PHLDB1: variants seen among roughly 807,000 people sequenced by gnomAD.
The protein encoded by PHLDB1 is pleckstrin homology like domain family B member 1.
Under a neutral mutation model 139.3 loss-of-function variants are expected in PHLDB1, and 65 were observed. The ratio of observed to expected loss-of-function variants is 0.47; its 90% CI spans 0.38 to 0.57. The LOEUF is 0.57. PHLDB1 is among the 20% of genes least tolerant of loss of function. The probability of loss-of-function intolerance (pLI) is 0.00; values close to 1 mark genes in which losing one functional copy is unlikely to be tolerated. For missense variants in PHLDB1, 1,624 were observed against 1,839.7 expected (o/e 0.88, Z 2.14); for synonymous variants, 679 against 734.5 (o/e 0.92, Z 1.22).
At chr11:118,653,945 C>G (rs1948676977) in intron 20 of PHLDB1, 1 of 152,154 alleles carries the variant, frequency 6.6e-6, no homozygotes, top group Non-Finnish European at 1.5e-5. Context: ...TTCCAGCATA[C>G]AGGGTGTATT....
At position 118,650,708 on chromosome 11, in the gene PHLDB1, G is replaced by A; in HGVS notation, c.3874+161G>A. ...CCTGAAAATGTACACAATGTACCTG[G>A]TTCACCTCCATTTTTGTGTTCATTC... is the stretch of plus-strand genomic sequence containing the variant. On this transcript the variant is annotated intron_variant, in intron 20 of 22. Transcript: ENST00000600882. This position sits in a 1 kb window ranked among gnomAD's most constrained non-coding sequence, Gnocchi z 4.7. 1.6e-6 allele frequency: 1 copy of A among 607,722 alleles called. No individual in the cohort carries two copies. Among genetic ancestry groups the A allele is most frequent in the Non-Finnish European group, 2.9e-6 (1 of 340,290 alleles). The allele number at this position is 607,722 out of a possible 1,614,324, so 37.6% of individuals were successfully genotyped here. A position where few individuals can be genotyped will look rare whatever the true frequency, so the allele number is the denominator to read the frequency against.
Position 118,611,818 on chromosome 11 carries a change from CA to C in PHLDB1, c.-21-1982del, listed in dbSNP as rs782515711. Among the ~76,000 whole-genome samples, 431 of 109,038 alleles carry C rather than the reference CA, an allele frequency of 4.0e-3. 3 individuals are homozygous for C. The highest frequency in any genetic ancestry group is 9.5e-3 in the African/African-American group (342 of 36,104). The allele number at this position is 109,038 out of a possible 152,430, so 71.5% of individuals were successfully genotyped here. A position where few individuals can be genotyped will look rare whatever the true frequency, so the allele number is the denominator to read the frequency against. On this transcript the variant is annotated intron_variant, in intron 1 of 22. Transcript: ENST00000600882. This position sits in a 1 kb window ranked among gnomAD's most constrained non-coding sequence, Gnocchi z 4.7. ...GGGCAACAAGAGTGAAACTCCGTCTCAAAAAAAAAAAAAAAATAATAATAAT... is the reference window on the plus strand; with the variant it reads ...GGGCAACAAGAGTGAAACTCCGTCTCAAAAAAAAAAAAAAATAATAATAAT...
At chr11:118,630,272 T>C (rs895878326) in intron 6 of PHLDB1, among the ~76,000 whole-genome samples, 1 of 152,020 alleles carries the variant, frequency 6.6e-6, no homozygotes, top group African/African-American at 2.4e-5. Context: ...AGGAATGTGA[T>C]TGTGTCATCC....
chr11:118,645,325 C>T lies in PHLDB1; in HGVS notation c.3122-31C>T, dbSNP rs1555126090. The T allele has an allele frequency of 1.3e-6, 2 of 1,495,586 alleles. No individual in the cohort carries two copies. The highest frequency in any genetic ancestry group is 2.8e-5 in the African/African-American group (2 of 71,240). 92.6% of individuals were successfully genotyped at this position (1,495,586 alleles called of 1,614,324 possible). A position where few individuals can be genotyped will look rare whatever the true frequency, so the allele number is the denominator to read the frequency against. ...CCTGCTCCTTAGCTGCGTGGGGAGC[C>T]CACTGTGACTCCCATCTGTCTCTCC... On this transcript the variant is annotated intron_variant, in intron 15 of 22. Transcript: ENST00000600882. The surrounding 1 kb of genome is among the most constrained non-coding windows in gnomAD (Gnocchi z 5.1).
In PHLDB1 at chr11:118,638,941, C is replaced by A. The variant is rs34608961; in HGVS notation, c.2586C>A (p.Ala862=). The part of the protein sequence containing the change: ...DSQAGQIRAQ[A]VQESERLARD... ...AGGCTGGGCAGATCCGGGCTCAGGC[C>A]GTGCAGGAATCAGAACGCCTGGCCC... Residue 862 remains alanine (A), a synonymous_variant, in exon 11 of 23, where the codon GCC becomes GCA. Transcript: ENST00000600882. 6.2e-7 allele frequency: 1 copy of A among 1,613,638 alleles called. No individual in the cohort carries two copies. The highest frequency in any genetic ancestry group is 8.5e-7 in the Non-Finnish European group (1 of 1,179,772).
intron 1 of PHLDB1, chr11:118,613,340 G>C: frequency 1.0e-6 from 1 of 986,648 alleles, no homozygotes; most frequent in Non-Finnish European, 1.2e-6. Flanking sequence ...TGGTGAAGAG[G>C]AGAATGAAAG....
chr11:118,630,107 A>T, intron 6 of PHLDB1: 1 of 1,238,882 alleles, frequency 8.1e-7, no homozygotes. Context: ...ACACCTCTCC[A>T]GCCTTCTCTC....
At chr11:118,621,989 T>A (rs1232522922) in intron 4 of PHLDB1, among the ~76,000 whole-genome samples, 3 of 152,094 alleles carry the variant, frequency 2.0e-5, no homozygotes, top group Non-Finnish European at 4.4e-5. Flanking sequence ...TGTGTGAGCA[T>A]GTACGCCCAT....
intron 13 of PHLDB1, 107 bp from the exon 14 acceptor site, chr11:118,643,693 G>A: frequency 6.3e-7 from 1 of 1,584,942 alleles, no homozygotes. Flanking sequence ...GAAGGCCTCA[G>A]AGGCCTAGTG....
intron 13 of PHLDB1, 59 bp from the exon 14 acceptor site, chr11:118,643,741 A>T: frequency 6.2e-7 from 1 of 1,613,158 alleles, no homozygotes; most frequent in South Asian, 1.1e-5. Context: ...ACTAGGTGAC[A>T]TGGGGGAGGT....
intron 18 of PHLDB1, among the ~76,000 whole-genome samples, chr11:118,649,391 G>T (rs1380229731): frequency 6.6e-6 from 1 of 152,188 alleles, no homozygotes; most frequent in Non-Finnish European, 1.5e-5. Context: ...TGTTCTGGGA[G>T]TCTCTCTTCT....
intron 12 of PHLDB1, 183 bp from the exon 13 acceptor site, chr11:118,642,071 C>T (rs782456740): frequency 1.5e-6 from 1 of 682,102 alleles, no homozygotes; most frequent in Non-Finnish European, 2.6e-6. Flanking sequence ...TCCTTCCTCC[C>T]CTTCTTCCTT....
chr11:118,638,788 C>T, intron 10 of PHLDB1, 103 bp from the exon 11 acceptor site: 1 of 837,500 alleles, frequency 1.2e-6, no homozygotes, highest in South Asian at 1.8e-5. Context: ...GGTTGATCCC[C>T]TTCACCTGAG....
intron 2 of PHLDB1, among the ~76,000 whole-genome samples, chr11:118,614,298 C>T (rs1452923931): frequency 7.4e-6 from 1 of 134,696 alleles, no homozygotes; most frequent in Non-Finnish European, 1.6e-5. Flanking sequence ...CCCCTTTCTC[C>T]TTGCTTCTGT....
chr11:118,628,263 C>G lies in PHLDB1; in HGVS notation c.1440C>G (p.Pro480=), dbSNP rs782436136. The change falls in exon 6 of 23, where the codon CCC becomes CCG. Residue 480 remains proline (P), a synonymous_variant. Coordinates refer to ENST00000600882, the MANE Select transcript of PHLDB1 (RefSeq NM_001144758.3). ...TGCCCACCCGGACCACCCCAGATCC[C>G]AAGCTAAACAGGGAAGTGGCAGAGA... ...SPLPTRTTPD[P]KLNREVAESP... 11 of 1,614,110 alleles carry G rather than the reference C, an allele frequency of 6.8e-6. No homozygotes were observed. The East Asian group carries it at 2.0e-4, about 29-fold the overall frequency.
At chr11:118,635,339 G>A in intron 9 of PHLDB1, 54 bp from the exon 10 acceptor site, 1 of 1,521,452 alleles carries the variant, frequency 6.6e-7, no homozygotes, top group Non-Finnish European at 8.8e-7. Context: ...GGTCTTCCAG[G>A]CCCAGAGTGG....
intron 4 of PHLDB1, among the ~76,000 whole-genome samples, chr11:118,619,943 G>A (rs1157352036): frequency 2.0e-5 from 3 of 152,182 alleles, no homozygotes; most frequent in Admixed American, 1.3e-4. Context: ...GTTGTCTGGG[G>A]GATGTGTGCA....
chr11:118,616,301 T>TGGTAACTG (rs1241052426), intron 4 of PHLDB1, 90 bp downstream of exon 4: 1 of 1,199,460 alleles, frequency 8.3e-7, no homozygotes, highest in East Asian at 2.4e-5. Flanking sequence ...GTGGTTGCCA[T>TGGTAACTG]GGTAACTGCC....
At chr11:118,631,577 G>A in intron 7 of PHLDB1, 98 bp downstream of exon 7, 1 of 1,084,576 alleles carries the variant, frequency 9.2e-7, no homozygotes, top group Non-Finnish European at 1.2e-6. Flanking sequence ...GTGAGGGGAA[G>A]GATCAAGTTT....
Sources: allele counts gnomAD v4.1 joint callset (sites outside exome capture counted in the v4.1 genomes callset), GRCh38; gene constraint gnomAD v4.1.1; non-coding constraint Gnocchi (gnomAD v3.1); transcripts MANE v1.5; gene names NCBI Gene and HGNC (gene_info 2026-07-23, HGNC 2026-07-21).